COP1: variants seen among roughly 807,000 people sequenced by gnomAD.
COP1 encodes E3 ubiquitin-protein ligase COP1.
Under a neutral mutation model 101.3 loss-of-function variants are expected in COP1, and 24 were observed. The ratio of observed to expected loss-of-function variants is 0.24; its 90% confidence interval spans 0.17 to 0.33. The LOEUF (loss-of-function observed/expected upper bound fraction) is 0.33, where lower values mean the gene tolerates loss of function less well. Ranked by LOEUF, COP1 falls within the 10% of genes least tolerant of loss-of-function variation. The probability of loss-of-function intolerance (pLI) is 1.00; values close to 1 mark genes in which losing one functional copy is unlikely to be tolerated. For synonymous variants in COP1, 347 were observed against 341.9 expected (o/e 1.01, Z -0.17); for missense variants, 663 against 906.2 (o/e 0.73, Z 3.45).
intron 14 of COP1, among the ~76,000 whole-genome samples, chr1:176,027,962 A>G (rs1667968863): frequency 6.6e-6 from 1 of 150,600 alleles, no homozygotes. Context: ...GACTCACAAC[A>G]ATGGCAGAAG....
At chr1:176,023,878 C>G (rs377441144) in intron 15 of COP1, among the ~76,000 whole-genome samples, 1 of 152,272 alleles carries the variant, frequency 6.6e-6, no homozygotes, top group African/African-American at 2.4e-5. Context: ...TCTTCACAAA[C>G]TCATTCAGAA....
chr1:176,006,249 C>T (rs566663308), intron 15 of COP1, among the ~76,000 whole-genome samples: 44 of 152,122 alleles, frequency 2.9e-4, no homozygotes, highest in African/African-American at 7.7e-4. Context: ...TGTCTCTGCA[C>T]GTGAGATGGG....
chr1:176,061,620 C>G (rs1674855299), intron 11 of COP1, among the ~76,000 whole-genome samples: 3 of 151,818 alleles, frequency 2.0e-5, no homozygotes, highest in Non-Finnish European at 4.4e-5. Flanking sequence ...GAGTGAAACT[C>G]CGTCTCAAAA....
Position 176,031,322 on chromosome 1 carries a change from G to A in COP1, c.1613-3634C>T, listed in dbSNP as rs554682106. Among the ~76,000 whole-genome samples, 16 of 152,206 alleles carry A rather than the reference G, an allele frequency of 1.1e-4. No homozygotes were observed. The South Asian group carries it at 1.9e-3, about 18-fold the overall frequency. On this transcript the variant is annotated intron_variant, in intron 14 of 19. Transcript: ENST00000367669. ...AATAGTATAATCTTTTGGAGGAAGC[G>A]TAGAAGAAATCAAGTATGAGAAGAA... is the stretch of plus-strand genomic sequence containing the variant.
intron 11 of COP1, among the ~76,000 whole-genome samples, chr1:176,077,436 T>C (rs1678256043): frequency 6.6e-6 from 1 of 152,142 alleles, no homozygotes; most frequent in African/African-American, 2.4e-5. Context: ...AAAAAGTCTT[T>C]GATAAAATCC....
intron 9 of COP1, among the ~76,000 whole-genome samples, chr1:176,092,531 CA>C (rs1558091507): frequency 6.6e-6 from 1 of 151,696 alleles, no homozygotes; most frequent in Admixed American, 6.6e-5. Context: ...AAGACCAACA[CA>C]AAAAAATGGG....
chr1:176,044,415 T>C (rs1054703301), intron 12 of COP1, among the ~76,000 whole-genome samples: 14 of 152,218 alleles, frequency 9.2e-5, no homozygotes, highest in Non-Finnish European at 1.5e-4. Flanking sequence ...CTGAGATACA[T>C]ATCTGCATCA....
At chr1:176,107,395 A>G (rs1185808733) in intron 9 of COP1, among the ~76,000 whole-genome samples, 5 of 152,152 alleles carry the variant, frequency 3.3e-5, no homozygotes, top group African/African-American at 7.2e-5. Flanking sequence ...TACGGAATGA[A>G]GCTGGAACAT....
At chr1:176,148,713 G>A (rs1222116935) in intron 6 of COP1, among the ~76,000 whole-genome samples, 1 of 152,112 alleles carries the variant, frequency 6.6e-6, no homozygotes, top group Non-Finnish European at 1.5e-5. Context: ...TCCTCATGGT[G>A]AAGGGTAAGC....
At chr1:176,134,243 A>G (rs569515661) in intron 8 of COP1, among the ~76,000 whole-genome samples, 2 of 152,168 alleles carry the variant, frequency 1.3e-5, no homozygotes, top group South Asian at 4.1e-4. Flanking sequence ...GATTCCATTA[A>G]ATCGTTATCC....
chr1:176,045,279 T>G (rs1671313610), intron 12 of COP1, among the ~76,000 whole-genome samples: 1 of 152,132 alleles, frequency 6.6e-6, no homozygotes, highest in African/African-American at 2.4e-5. Context: ...CCTCTTCACT[T>G]AGGACATAAA....
At chr1:176,193,286 T>C (rs1286823324) in intron 1 of COP1, among the ~76,000 whole-genome samples, 1 of 152,110 alleles carries the variant, frequency 6.6e-6, no homozygotes, top group Admixed American at 6.6e-5. Context: ...GTTGACAAGA[T>C]GTGGAGAAAT....
chr1:176,187,865 C>A (rs1167746271), intron 1 of COP1, among the ~76,000 whole-genome samples: 1 of 152,064 alleles, frequency 6.6e-6, no homozygotes, highest in Admixed American at 6.6e-5. Context: ...TTTGTGTTCT[C>A]CCAAATTTCA....
rs566023166 is a variant in COP1, at chr1:176,155,456, A to C, written c.763-6382T>G. Among the ~76,000 whole-genome samples the C allele has an allele frequency of 2.6e-5, 4 of 152,076 alleles. No individual in the cohort carries two copies. The South Asian group carries it at 8.3e-4, about 31-fold the overall frequency. ...ATACAAATTATTTAAATTCACAGGAAAAAAAGGAAAATAAGAACAGAGCAT... is the reference window on the plus strand; with the variant it reads ...ATACAAATTATTTAAATTCACAGGACAAAAAGGAAAATAAGAACAGAGCAT... On this transcript the variant is annotated intron_variant, in intron 5 of 19. Transcript: ENST00000367669.
rs1679482337 is a variant in COP1 at position 176,083,102 on chromosome 1, TA to T, written c.1142-1816del. On this transcript the variant is annotated intron_variant, in intron 10 of 19. Transcript: ENST00000367669. Reference sequence around the variant, plus strand: ...ATAAAACATGGGTTATTTGCAAAAATAAAAATCCCAACTGTACTGCAGAGTG... The same window carrying T: ...ATAAAACATGGGTTATTTGCAAAAATAAAATCCCAACTGTACTGCAGAGTG... Among the ~76,000 whole-genome samples the T allele has an allele frequency of 2.0e-5, 3 of 152,140 alleles. No individual in the cohort carries two copies. The South Asian group carries it at 6.2e-4, about 31-fold the overall frequency.
intron 3 of COP1, among the ~76,000 whole-genome samples, chr1:176,174,007 A>AG (rs1553306872): frequency 4.1e-5 from 5 of 122,034 alleles, no homozygotes; most frequent in South Asian, 3.0e-4. Flanking sequence ...AAAAAAAAAA[A>AG]AGAGAATATA....
At chr1:176,146,069 C>T (rs764321785) in intron 6 of COP1, among the ~76,000 whole-genome samples, 8 of 151,864 alleles carry the variant, frequency 5.3e-5, no homozygotes, top group Non-Finnish European at 1.2e-4. Flanking sequence ...CCAAGTAAAA[C>T]CAAAAGGAAA....
intron 14 of COP1, among the ~76,000 whole-genome samples, chr1:176,041,091 T>C (rs1029422490): frequency 1.3e-5 from 2 of 152,174 alleles, no homozygotes; most frequent in African/African-American, 4.8e-5. Context: ...TGATATATGA[T>C]GAACTTCGTT....
chr1:175,974,759 A>T (rs971125438), intron 18 of COP1, among the ~76,000 whole-genome samples: 1 of 151,598 alleles, frequency 6.6e-6, no homozygotes, highest in Non-Finnish European at 1.5e-5. Context: ...TGGGCCAGGC[A>T]TGGTGGCTCA....
Sources: allele counts gnomAD v4.1 joint callset (sites outside exome capture counted in the v4.1 genomes callset), GRCh38; gene constraint gnomAD v4.1.1; transcripts MANE v1.5; gene names NCBI Gene and HGNC (gene_info 2026-07-23, HGNC 2026-07-21).